MYH11: variants seen among roughly 807,000 people sequenced by gnomAD.
The protein encoded by MYH11 is myosin-11.
Under a neutral mutation model 246.6 loss-of-function variants are expected in MYH11, and 80 were observed. The ratio of observed to expected loss-of-function variants is 0.32; its 90% CI spans 0.27 to 0.39. The LOEUF is 0.39. Ranked by LOEUF, MYH11 falls within the 10% of genes least tolerant of loss-of-function variation. The probability of loss-of-function intolerance (pLI) is 1.00; values close to 1 mark genes in which losing one functional copy is unlikely to be tolerated. For synonymous variants in MYH11, 1,071 were observed against 1,015.5 expected (o/e 1.05, Z -1.04); for missense variants, 2,158 against 2,546.8 (o/e 0.85, Z 3.29).
intron 28 of MYH11, chr16:15,725,724 A>C (rs1244726605): frequency 7.5e-6 from 3 of 398,634 alleles, no homozygotes; most frequent in African/African-American, 2.1e-5. Flanking sequence ...GGCTGTGGAC[A>C]TGTTAAACAT....
At chr16:15,773,578 G>A (rs2042155191) in intron 8 of MYH11, among the ~76,000 whole-genome samples, 1 of 152,072 alleles carries the variant, frequency 6.6e-6, no homozygotes, top group Middle Eastern at 3.2e-3. Flanking sequence ...GAGCCACCGT[G>A]CCCAGCCACC....
intron 1 of MYH11, among the ~76,000 whole-genome samples, chr16:15,840,548 A>G (rs1406145707): frequency 9.2e-5 from 14 of 152,274 alleles, no homozygotes; most frequent in African/African-American, 3.4e-4. Flanking sequence ...CCTGGGCAAC[A>G]TAAGAAGCCC....
intron 35 of MYH11, 101 bp from the exon 36 acceptor site, chr16:15,719,409 C>CCTCTGAG: frequency 5.4e-6 from 8 of 1,486,112 alleles, no homozygotes; most frequent in African/African-American, 1.4e-5. Flanking sequence ...ACATGTTCTT[C>CCTCTGAG]CTCTGAGCTC....
chr16:15,747,637 G>T lies in MYH11; in HGVS notation c.2344C>A (p.Arg782=), dbSNP rs777173010. Residue 782 remains arginine, a synonymous_variant, in exon 19 of 41, where the codon CGA becomes AGA. Transcript: ENST00000300036. Reference sequence around the variant, plus strand: ...ATGACATCGGTGATCTTCAAATCTCGCTCCTCCTCTAGGTGGGCCAGGACG... The same window carrying T: ...ATGACATCGGTGATCTTCAAATCTCTCTCCTCCTCTAGGTGGGCCAGGACG... The part of the protein sequence containing the change: ...TGVLAHLEEE[R]DLKITDVIMA... 2.5e-6 allele frequency: 4 copies of T among 1,614,062 alleles called. No homozygotes were observed. Among genetic ancestry groups the T allele is most frequent in the Non-Finnish European group, 3.4e-6 (4 of 1,180,014 alleles).
chr16:15,828,949 C>T (rs770173983), intron 2 of MYH11, among the ~76,000 whole-genome samples: 26 of 151,786 alleles, frequency 1.7e-4, no homozygotes, highest in Non-Finnish European at 2.7e-4. Context: ...TTTGGGAAAT[C>T]GAGGAGGTCA....
intron 14 of MYH11, among the ~76,000 whole-genome samples, chr16:15,755,568 C>A (rs1338480962): frequency 1.3e-5 from 2 of 152,146 alleles, no homozygotes; most frequent in South Asian, 2.1e-4. Context: ...GCAGGGAGAT[C>A]TCTTGAGCCC....
At chr16:15,811,354 G>A (rs188206239) in intron 3 of MYH11, among the ~76,000 whole-genome samples, 158 of 152,308 alleles carry the variant, frequency 1.0e-3, no homozygotes, top group African/African-American at 3.7e-3. Context: ...ATGGGGACAA[G>A]AATACTACAC....
At chr16:15,742,100 C>T (rs2041291935) in intron 20 of MYH11, 4 of 702,362 alleles carry the variant, frequency 5.7e-6, no homozygotes, top group East Asian at 2.7e-5. Context: ...TACTGCTAAA[C>T]ACCCTACAGT....
At position 15,837,912 on chromosome 16, in the gene MYH11, A is replaced by G. The variant is rs1567211480; in HGVS notation, c.341T>C (p.Ile114Thr). Residue 114 changes from isoleucine (I) to threonine (T), a missense_variant, in exon 2 of 41, where the codon ATA (isoleucine) becomes ACA (threonine). By Grantham distance (89) the Ile-to-Thr change is moderately conservative. Coordinates refer to ENST00000300036, the MANE Select transcript of MYH11 (RefSeq NM_002474.3). ...NLRERYFSGL[I>T]YTYSGLFCVV... is the part of the protein sequence containing the mutation. ...CTGGCTGCCTGCAATACTCACATAT[A>G]TTAGCCCTGAGAAGTACCGCTCCCT... 6.2e-7 allele frequency: 1 copy of G among 1,613,652 alleles called. No homozygotes were observed. Among genetic ancestry groups the G allele is most frequent in the South Asian group, 1.1e-5 (1 of 91,046 alleles).
At chr16:15,760,685 G>T in intron 10 of MYH11, 27 bp from the exon 11 acceptor site, 1 of 1,428,624 alleles carries the variant, frequency 7.0e-7, no homozygotes, top group South Asian at 1.1e-5. Flanking sequence ...AACATCGTGA[G>T]TGCATCACAA....
intron 3 of MYH11, among the ~76,000 whole-genome samples, chr16:15,806,279 C>CAAAA (rs71134463): frequency 4.9e-5 from 3 of 61,128 alleles, no homozygotes; most frequent in South Asian, 6.6e-4. Context: ...CACTCTGTCT[C>CAAAA]AAAAAAAAAA....
At chr16:15,768,753 G>GTAT (rs2042035990) in intron 9 of MYH11, among the ~76,000 whole-genome samples, 1 of 152,060 alleles carries the variant, frequency 6.6e-6, no homozygotes, top group African/African-American at 2.4e-5. Flanking sequence ...AAGGAAAACA[G>GTAT]TATTACCAAA....
At chr16:15,766,661 C>T (rs1157590554) in intron 9 of MYH11, among the ~76,000 whole-genome samples, 4 of 152,098 alleles carry the variant, frequency 2.6e-5, no homozygotes, top group South Asian at 2.1e-4. Flanking sequence ...CCACAGTGCC[C>T]GGCCTACCCA....
chr16:15,789,147 G>A (rs566814654), intron 4 of MYH11, among the ~76,000 whole-genome samples: 2 of 152,234 alleles, frequency 1.3e-5, no homozygotes, highest in South Asian at 4.1e-4. Context: ...AGGTCACACA[G>A]CAAAGAAGGG....
In MYH11 at chr16:15,750,448, C is replaced by G. The variant is rs2041537335; in HGVS notation, c.1865-117G>C. On this transcript the variant is annotated intron_variant, in intron 15 of 40. Transcript: ENST00000300036. This position sits in a 1 kb window ranked among gnomAD's most constrained non-coding sequence, Gnocchi z 4.3. ...CCACTCCAATCTTTCCTTCCATCAC[C>G]AACGCCTCCTTCGGCAGTCAGGGTT... 4.0e-6 allele frequency: 4 copies of G among 1,000,100 alleles called. No homozygotes were observed. The highest frequency in any genetic ancestry group is 4.5e-6 in the Non-Finnish European group (3 of 664,500). The allele number at this position is 1,000,100 out of a possible 1,614,324, so 62.0% of individuals were successfully genotyped here. A position where few individuals can be genotyped will look rare whatever the true frequency, so the allele number is the denominator to read the frequency against.
At chr16:15,729,876 TG>T (rs1447274694) in intron 27 of MYH11, among the ~76,000 whole-genome samples, 9 of 151,978 alleles carry the variant, frequency 5.9e-5, no homozygotes, top group African/African-American at 1.7e-4. Flanking sequence ...TTAGTAGAGA[TG>T]GGGTTTCACT....
chr16:15,804,547 AT>A (rs1233370230), intron 3 of MYH11, among the ~76,000 whole-genome samples: 2 of 151,840 alleles, frequency 1.3e-5, no homozygotes, highest in Non-Finnish European at 2.9e-5. Flanking sequence ...AGATAAAAAA[AT>A]AACTAAAGTG....
At chr16:15,706,285 A>G (rs543932324) in intron 40 of MYH11, among the ~76,000 whole-genome samples, 1 of 152,030 alleles carries the variant, frequency 6.6e-6, no homozygotes, top group African/African-American at 2.4e-5. Context: ...TTTCTTTTTT[A>G]GCACTGTTTT....
chr16:15,752,331 G>T (rs2041594694), intron 15 of MYH11, among the ~76,000 whole-genome samples: 1 of 152,054 alleles, frequency 6.6e-6, no homozygotes, highest in Non-Finnish European at 1.5e-5. Context: ...CCAGGCCCAT[G>T]GGCCCTGTGC....
Sources: gnomAD v4.1 joint callset for allele counts (sites outside exome capture counted in the v4.1 genomes callset) on GRCh38, gnomAD v4.1.1 for gene constraint, Gnocchi (gnomAD v3.1) non-coding constraint, MANE v1.5 for transcripts, NCBI Gene and HGNC (gene_info 2026-07-23, HGNC 2026-07-21) for gene names.